Variants in NELL1 observed in about 807,000 individuals in gnomAD.
The protein encoded by NELL1 is neural EGFL like 1.
Under a neutral mutation model 107.4 loss-of-function variants are expected in NELL1, and 76 were observed. That is an observed-to-expected ratio of 0.71 (90% CI 0.59 to 0.86). The LOEUF (loss-of-function observed/expected upper bound fraction) is 0.86. NELL1 is among the 40% of genes least tolerant of loss of function. The probability of loss-of-function intolerance (pLI) is 0.00; values close to 1 mark genes in which losing one functional copy is unlikely to be tolerated. For missense variants in NELL1, 1,024 were observed against 1,005.5 expected, an observed-to-expected ratio of 1.02 and a Z score of -0.25; for synonymous variants, 353 against 341.2, an observed-to-expected ratio of 1.03 and a Z score of -0.38.
intron 12 of NELL1, among the ~76,000 whole-genome samples, chr11:21,009,959 C>G (rs374738488): frequency 7.6e-6 from 1 of 131,856 alleles, no homozygotes; most frequent in African/African-American, 2.8e-5. Context: ...CCCACTGTTA[C>G]GGGCCCTGCC....
chr11:21,335,138 A>C (rs1850361605), intron 14 of NELL1, among the ~76,000 whole-genome samples: 1 of 152,204 alleles, frequency 6.6e-6, no homozygotes, highest in Non-Finnish European at 1.5e-5. Context: ...TTCAAAACAT[A>C]AAAGTTGAAA....
intron 12 of NELL1, among the ~76,000 whole-genome samples, chr11:21,066,776 A>G (rs1853882629): frequency 6.6e-6 from 1 of 151,982 alleles, no homozygotes. Context: ...CAACATGGTG[A>G]AACCTTGTCT....
At chr11:21,000,069 C>G (rs1380663745) in intron 12 of NELL1, among the ~76,000 whole-genome samples, 1 of 152,048 alleles carries the variant, frequency 6.6e-6, no homozygotes, top group Non-Finnish European at 1.5e-5. Context: ...TGGAGTTGAA[C>G]AAAAGGTGTT....
intron 14 of NELL1, among the ~76,000 whole-genome samples, chr11:21,275,128 G>T (rs916098944): frequency 1.3e-5 from 2 of 152,038 alleles, no homozygotes; most frequent in African/African-American, 4.8e-5. Context: ...TTTTTGAAAA[G>T]ATCAACAAAA....
chr11:21,293,458 T>G (rs927546142), intron 14 of NELL1, among the ~76,000 whole-genome samples: 2 of 152,084 alleles, frequency 1.3e-5, no homozygotes, highest in Admixed American at 6.5e-5. Context: ...TGTGGAGAAA[T>G]AGGAATGCTT....
At chr11:21,459,939 A>G (rs11026097) in intron 15 of NELL1, among the ~76,000 whole-genome samples, 50,357 of 151,818 alleles carry the variant, frequency 0.33, 8,878 homozygotes, top group South Asian at 0.45. Flanking sequence ...ATTTTCTTGG[A>G]GAAGAAGCAG....
At chr11:21,521,238 G>A (rs1463388163) in intron 15 of NELL1, among the ~76,000 whole-genome samples, 1 of 152,112 alleles carries the variant, frequency 6.6e-6, no homozygotes, top group East Asian at 1.9e-4. Context: ...TTTCCTTGTA[G>A]TTTCTTCTTT....
chr11:20,886,286 A>C (rs1357526380), intron 5 of NELL1, among the ~76,000 whole-genome samples: 4 of 152,176 alleles, frequency 2.6e-5, no homozygotes, highest in Non-Finnish European at 5.9e-5. Context: ...ATTATACTTC[A>C]CAGAAACATA....
At chr11:21,231,877 T>C (rs1261742162) in intron 14 of NELL1, among the ~76,000 whole-genome samples, 1 of 152,148 alleles carries the variant, frequency 6.6e-6, no homozygotes. Context: ...AAATGCTGCA[T>C]GGGAAAGCAA....
At chr11:21,184,542 T>A (rs573707695) in intron 13 of NELL1, among the ~76,000 whole-genome samples, 3 of 152,010 alleles carry the variant, frequency 2.0e-5, no homozygotes, top group African/African-American at 7.3e-5. Context: ...AGTGCTGGGA[T>A]TACAGGCATG....
intron 12 of NELL1, among the ~76,000 whole-genome samples, chr11:20,997,845 G>C (rs1852125604): frequency 6.6e-6 from 1 of 152,088 alleles, no homozygotes; most frequent in Admixed American, 6.6e-5. Context: ...GTGATGGTGT[G>C]CCTGTAGTCT....
intron 13 of NELL1, among the ~76,000 whole-genome samples, chr11:21,124,049 C>T (rs921993200): frequency 4.6e-5 from 7 of 152,104 alleles, no homozygotes; most frequent in Non-Finnish European, 1.0e-4. Flanking sequence ...CCTCACACTC[C>T]TTCCCAAATA....
intron 15 of NELL1, among the ~76,000 whole-genome samples, chr11:21,390,510 A>AACACAC (rs60248049): frequency 7.8e-4 from 111 of 142,840 alleles, no homozygotes; most frequent in African/African-American, 2.0e-3. Flanking sequence ...TGTGTGGATG[A>AACACAC]ACACACACAC....
intron 14 of NELL1, among the ~76,000 whole-genome samples, chr11:21,254,235 T>C (rs1858713304): frequency 6.6e-6 from 1 of 152,122 alleles, no homozygotes; most frequent in Non-Finnish European, 1.5e-5. Context: ...AATGTGTCTC[T>C]GTGAAGTCAG....
At chr11:21,182,383 C>T (rs187878033) in intron 13 of NELL1, among the ~76,000 whole-genome samples, 2 of 149,506 alleles carry the variant, frequency 1.3e-5, no homozygotes, top group South Asian at 2.1e-4. Flanking sequence ...TGCAGTGAAC[C>T]GAGATCACGC....
intron 12 of NELL1, among the ~76,000 whole-genome samples, chr11:21,031,864 A>G (rs1221810484): frequency 6.6e-6 from 1 of 151,816 alleles, no homozygotes; most frequent in Non-Finnish European, 1.5e-5. Flanking sequence ...GCCAACATGA[A>G]GAAACCCCTG....
chr11:21,203,320 A>T (rs551570651), intron 13 of NELL1, among the ~76,000 whole-genome samples: 1 of 151,720 alleles, frequency 6.6e-6, no homozygotes, highest in East Asian at 1.9e-4. Context: ...TTGAGTGCAT[A>T]TATATTTAGG....
chr11:20,744,270 C>A (rs967827349), intron 2 of NELL1, among the ~76,000 whole-genome samples: 2 of 151,420 alleles, frequency 1.3e-5, no homozygotes. Context: ...GAAGTGCAAA[C>A]TAAAGACTTT....
intron 12 of NELL1, among the ~76,000 whole-genome samples, chr11:21,110,793 C>T (rs1191012328): frequency 2.0e-5 from 3 of 152,116 alleles, no homozygotes; most frequent in African/African-American, 4.8e-5. Flanking sequence ...TAGCCTTCAG[C>T]GTACTCTGCT....
Sources: gnomAD v4.1 joint callset for allele counts (sites outside exome capture counted in the v4.1 genomes callset) on GRCh38, gnomAD v4.1.1 for gene constraint, MANE v1.5 for transcripts, NCBI Gene and HGNC (gene_info 2026-07-23, HGNC 2026-07-21) for gene names.